Variants in LYPLAL1 observed in about 807,000 individuals in gnomAD.
The protein encoded by LYPLAL1 is lysophospholipase-like protein 1.
In LYPLAL1, 23 loss-of-function variants were observed where a neutral mutation model predicts 19.7. The observed-to-expected ratio is 1.17, with a 90% CI of 0.84 to 1.65. LYPLAL1 has a LOEUF of 1.65. Ranked by LOEUF, LYPLAL1 falls within the 40% of genes most tolerant of loss-of-function variation. The probability of loss-of-function intolerance (pLI) is 0.00; values close to 1 mark genes in which losing one functional copy is unlikely to be tolerated. For synonymous variants in LYPLAL1, 119 were observed against 96.3 expected (o/e 1.24, Z -1.38); for missense variants, 355 against 279.4 (o/e 1.27, Z -1.93).
At chr1:219,308,002 A>C in the LYPLAL1 span, among the ~76,000 whole-genome samples, 1 of 152,218 alleles carries the variant, frequency 6.6e-6, no homozygotes, top group Admixed American at 6.5e-5. Context: ...GGAACTTCCT[A>C]GAGACTTGTT....
chr1:219,308,919 A>G, the LYPLAL1 span, among the ~76,000 whole-genome samples: 1 of 152,166 alleles, frequency 6.6e-6, no homozygotes, highest in Admixed American at 6.5e-5. Context: ...AGACCCCAGA[A>G]TGGTTGGTCT....
At chr1:219,177,885 A>G (rs1235864926) in intron 1 of LYPLAL1, among the ~76,000 whole-genome samples, 1 of 152,136 alleles carries the variant, frequency 6.6e-6, no homozygotes, top group Non-Finnish European at 1.5e-5. Flanking sequence ...ACGTTCCTAC[A>G]GTTTCTCTGG....
chr1:219,211,986 A>G lies in LYPLAL1; in HGVS notation c.*258A>G, dbSNP rs1428987650. On this transcript the variant is annotated 3_prime_UTR_variant, in exon 5 of 5. Coordinates refer to ENST00000366928, the MANE Select transcript of LYPLAL1 (RefSeq NM_138794.5). ...GTATTTAAACTTTTAAATTTTTGAA[A>G]TAAAGTATTCTAAACTAATATAAAT... 7.3e-6 allele frequency: 2 copies of G among 273,250 alleles called. No individual in the cohort carries two copies. Among genetic ancestry groups the G allele is most frequent in the Non-Finnish European group, 6.8e-6 (1 of 146,828 alleles). 16.9% of individuals were successfully genotyped at this position (273,250 alleles called of 1,614,324 possible).
At chr1:219,188,141 C>G (rs1656872026) in intron 2 of LYPLAL1, among the ~76,000 whole-genome samples, 1 of 151,762 alleles carries the variant, frequency 6.6e-6, no homozygotes, top group Non-Finnish European at 1.5e-5. Flanking sequence ...AGCATCTATT[C>G]TATGTCAGGC....
At chr1:219,193,641 A>G (rs895167277) in intron 3 of LYPLAL1, among the ~76,000 whole-genome samples, 1 of 151,850 alleles carries the variant, frequency 6.6e-6, no homozygotes, top group African/African-American at 2.4e-5. Flanking sequence ...ACATTTATGA[A>G]AATTATAATC....
At chr1:219,404,300 C>T in the LYPLAL1 span, among the ~76,000 whole-genome samples, 1 of 152,110 alleles carries the variant, frequency 6.6e-6, no homozygotes, top group South Asian at 2.1e-4. Flanking sequence ...CACGTCAGGG[C>T]ATAGCACTTC....
chr1:219,290,596 A>G, the LYPLAL1 span, among the ~76,000 whole-genome samples: 53 of 152,300 alleles, frequency 3.5e-4, no homozygotes, highest in African/African-American at 1.2e-3. Flanking sequence ...TCCTATATAT[A>G]AACAAGTATT....
chr1:219,179,647 G>GT (rs1656111163), intron 2 of LYPLAL1, among the ~76,000 whole-genome samples: 1 of 152,178 alleles, frequency 6.6e-6, no homozygotes, highest in African/African-American at 2.4e-5. Flanking sequence ...CTGGGAAAGG[G>GT]TTTTATGGCA....
intron 1 of LYPLAL1, chr1:219,174,358 G>A: frequency 9.9e-7 from 1 of 1,008,962 alleles, no homozygotes; most frequent in Non-Finnish European, 1.2e-6. Flanking sequence ...TCAGCTACTA[G>A]TGATTTTTCA....
chr1:219,201,875 A>G (rs2125092419), intron 3 of LYPLAL1, among the ~76,000 whole-genome samples: 1 of 152,278 alleles, frequency 6.6e-6, no homozygotes, highest in African/African-American at 2.4e-5. Flanking sequence ...TTCTTCACAT[A>G]CGTTAGTTAT....
intron 2 of LYPLAL1, among the ~76,000 whole-genome samples, chr1:219,191,928 T>A (rs527892254): frequency 6.6e-6 from 1 of 151,830 alleles, no homozygotes; most frequent in South Asian, 2.1e-4. Flanking sequence ...TTGTTAAATT[T>A]TAGTCAGTTC....
the LYPLAL1 span, among the ~76,000 whole-genome samples, chr1:219,388,191 T>C: frequency 2.0e-5 from 3 of 152,134 alleles, no homozygotes; most frequent in Non-Finnish European, 4.4e-5. Context: ...TCAGGAAATA[T>C]TTGTTGAGTG....
chr1:219,193,448 C>A, intron 3 of LYPLAL1, 197 bp downstream of exon 3: 1 of 335,522 alleles, frequency 3.0e-6, no homozygotes, highest in Non-Finnish European at 5.3e-6. Context: ...AATTGATTTT[C>A]TTTTTGAATA....
the LYPLAL1 span, among the ~76,000 whole-genome samples, chr1:219,303,771 T>C: frequency 2.0e-5 from 3 of 152,208 alleles, no homozygotes. Context: ...CACATGGAGA[T>C]GAATGGTCAA....
the LYPLAL1 span, among the ~76,000 whole-genome samples, chr1:219,296,378 A>G: frequency 1.5e-4 from 23 of 152,166 alleles, no homozygotes; most frequent in African/African-American, 4.8e-4. Flanking sequence ...TTCAATCCTA[A>G]TATGGCTGGG....
chr1:219,409,911 A>T, the LYPLAL1 span: 10 of 152,214 alleles, frequency 6.6e-5, no homozygotes, highest in Non-Finnish European at 1.2e-4. Context: ...TTTTCACTTT[A>T]TGAGAGGAAT....
chr1:219,413,706 A>G, the LYPLAL1 span, among the ~76,000 whole-genome samples: 3 of 152,178 alleles, frequency 2.0e-5, no homozygotes, highest in African/African-American at 7.2e-5. Context: ...AATAAAAACC[A>G]CTTATATCCA....
the LYPLAL1 span, among the ~76,000 whole-genome samples, chr1:219,432,502 C>T: frequency 4.6e-5 from 7 of 152,248 alleles, no homozygotes; most frequent in East Asian, 1.4e-3. Flanking sequence ...ACAGTGAATT[C>T]AGCTTCAGGA....
At chr1:219,322,290 G>A in the LYPLAL1 span, among the ~76,000 whole-genome samples, 1 of 152,218 alleles carries the variant, frequency 6.6e-6, no homozygotes, top group African/African-American at 2.4e-5. Context: ...TTGCTCAGTT[G>A]ATAAATGTAT....
Sources: allele counts gnomAD v4.1 joint callset (sites outside exome capture counted in the v4.1 genomes callset), GRCh38; gene constraint gnomAD v4.1.1; transcripts MANE v1.5; gene names NCBI Gene and HGNC (gene_info 2026-07-23, HGNC 2026-07-21).